The following UNC5A variants were observed in gnomAD, a reference collection of about 807,000 sequenced individuals.
UNC5A encodes unc-5 netrin receptor A.
UNC5A carries 20 observed loss-of-function variants against 87.4 expected under a neutral mutation model. The observed-to-expected ratio is 0.23, with a 90% CI of 0.16 to 0.33. The LOEUF is 0.33. UNC5A is among the 10% of genes least tolerant of loss of function. UNC5A has a pLI of 1.00. For synonymous variants in UNC5A, 438 were observed against 482.3 expected (o/e 0.91, Z 1.20); for missense variants, 844 against 1,133.4 (o/e 0.74, Z 3.67).
chr5:176,814,857 A>G (rs1042786604), intron 1 of UNC5A, among the ~76,000 whole-genome samples: 4 of 152,066 alleles, frequency 2.6e-5, no homozygotes, highest in East Asian at 3.9e-4. Flanking sequence ...GAGGGCTGCT[A>G]TTGCTGGGGA....
Position 176,869,869 on chromosome 5 carries a change from T to C in UNC5A, c.722-501T>C. On this transcript the variant is annotated intron_variant, in intron 5 of 14. Transcript: ENST00000329542. This position sits in a 1 kb window ranked among gnomAD's most constrained non-coding sequence, Gnocchi z 9.1. Reference sequence around the variant, plus strand: ...TCGCGCCCACCAGCCTGCCCCCCCATGGCTCCATCCCACCCACCCGCCACG... The same window carrying C: ...TCGCGCCCACCAGCCTGCCCCCCCACGGCTCCATCCCACCCACCCGCCACG... 1 of 575,788 alleles carries C rather than the reference T, an allele frequency of 1.7e-6. No individual in the cohort carries two copies. The highest frequency in any genetic ancestry group is 3.1e-6 in the Non-Finnish European group (1 of 321,322). The allele number at this position is 575,788 out of a possible 1,614,324, so 35.7% of individuals were successfully genotyped here. A position where few individuals can be genotyped will look rare whatever the true frequency, so the allele number is the denominator to read the frequency against.
Position 176,866,257 on chromosome 5 carries a change from G to A in UNC5A, c.293-1873G>A, listed in dbSNP as rs555808116. Among the ~76,000 whole-genome samples, 44 of 152,198 alleles carry A rather than the reference G, an allele frequency of 2.9e-4. No homozygotes were observed. The highest frequency in any genetic ancestry group is 2.9e-3 in the Admixed American group (44 of 15,280). On this transcript the variant is annotated intron_variant, in intron 2 of 14. Coordinates refer to ENST00000329542, the MANE Select transcript of UNC5A (RefSeq NM_133369.3). This position sits in a 1 kb window ranked among gnomAD's most constrained non-coding sequence, Gnocchi z 5.0. ...GCACAGCCCCTCACATCAAAGATGG[G>A]GTAGGGCCGGGTCTGCAGCCCCCGC...
At chr5:176,864,278 G>A (rs1374901187) in intron 2 of UNC5A, among the ~76,000 whole-genome samples, 2 of 152,180 alleles carry the variant, frequency 1.3e-5, no homozygotes, top group African/African-American at 4.8e-5. Flanking sequence ...TGGGTGGCTC[G>A]GGTATGGAGC....
chr5:176,845,909 G>A (rs1282175997), intron 1 of UNC5A, among the ~76,000 whole-genome samples: 1 of 152,230 alleles, frequency 6.6e-6, no homozygotes, highest in African/African-American at 2.4e-5. Context: ...CCTGAAGCAG[G>A]ACTGAGCAGA....
rs35306601 is a variant in UNC5A at position 176,827,179 on chromosome 5, C to CTTTT, written c.70+16377_70+16380dup. Among the ~76,000 whole-genome samples the CTTTT allele has an allele frequency of 5.1e-4, 55 of 107,560 alleles. 2 individuals carry two copies. Among genetic ancestry groups the CTTTT allele is most frequent in the African/African-American group, 9.8e-4 (26 of 26,508 alleles). 70.6% of individuals were successfully genotyped at this position (107,560 alleles called of 152,430 possible). ...GAAAGCATGCATCACTGCTTCATTC[C>CTTTT]TTTTTTTTTTTTTTTTTTTTTGAGA... On this transcript the variant is annotated intron_variant, in intron 1 of 14. Coordinates refer to ENST00000329542, the MANE Select transcript of UNC5A (RefSeq NM_133369.3).
At chr5:176,823,678 G>A (rs1252467257) in intron 1 of UNC5A, among the ~76,000 whole-genome samples, 1 of 151,898 alleles carries the variant, frequency 6.6e-6, no homozygotes, top group African/African-American at 2.4e-5. Context: ...AGCCTCCACA[G>A]GGGGGCTCTA....
chr5:176,842,455 A>C (rs1417184569), intron 1 of UNC5A, among the ~76,000 whole-genome samples: 1 of 151,880 alleles, frequency 6.6e-6, no homozygotes, highest in Non-Finnish European at 1.5e-5. Context: ...CGTGGAACCA[A>C]CTCAAATGCC....
intron 1 of UNC5A, among the ~76,000 whole-genome samples, chr5:176,833,808 G>A (rs576358299): frequency 2.6e-4 from 39 of 151,010 alleles, no homozygotes; most frequent in Non-Finnish European, 4.6e-4. Context: ...TCCTGGGTTC[G>A]CGCCATTTTC....
In UNC5A at chr5:176,877,626, A is replaced by G. The variant is rs1031021101; in HGVS notation, c.1558A>G (p.Met520Val). Residue 520 changes from methionine (M) to valine (V), a missense_variant, in exon 10 of 15, where the codon ATG becomes GTG. By Grantham distance (21) the Met-to-Val change is conservative. Coordinates refer to ENST00000329542, the MANE Select transcript of UNC5A (RefSeq NM_133369.3). ...GCTCACCCGGCCAGTCATCCTGGCT[A>G]TGGACCACTGTGGGGAGCCCAGCCC... ...VLLTRPVILAMDHCGEPSPDS... is the reference protein window; with the variant it reads ...VLLTRPVILAVDHCGEPSPDS... 8 of 1,612,698 alleles carry G rather than the reference A, an allele frequency of 5.0e-6. No homozygotes were observed. The highest frequency in any genetic ancestry group is 6.8e-6 in the Non-Finnish European group (8 of 1,179,792).
intron 1 of UNC5A, among the ~76,000 whole-genome samples, chr5:176,816,490 C>A (rs1252281518): frequency 6.6e-6 from 1 of 152,250 alleles, no homozygotes; most frequent in Non-Finnish European, 1.5e-5. Context: ...GGCCCAGAAC[C>A]CCAGGCACAT....
At chr5:176,878,746 C>A in intron 13 of UNC5A, 107 bp downstream of exon 13, 1 of 1,422,526 alleles carries the variant, frequency 7.0e-7, no homozygotes, top group Non-Finnish European at 9.5e-7. Flanking sequence ...ACTCTCCCTC[C>A]CGCCTGTCCC....
At chr5:176,856,369 T>C (rs886447711) in intron 1 of UNC5A, among the ~76,000 whole-genome samples, 2 of 152,174 alleles carry the variant, frequency 1.3e-5, no homozygotes, top group African/African-American at 4.8e-5. Flanking sequence ...TGGGCTGCTC[T>C]GCCCTCTCTC....
chr5:176,877,872 AC>A (rs759447484), intron 10 of UNC5A, 21 bp from the exon 11 acceptor site: 2 of 1,586,470 alleles, frequency 1.3e-6, no homozygotes, highest in Admixed American at 1.7e-5. Flanking sequence ...GGCCGAATTG[AC>A]CCACTGACCC....
intron 1 of UNC5A, among the ~76,000 whole-genome samples, chr5:176,853,833 G>C (rs538800285): frequency 1.3e-4 from 20 of 152,186 alleles, no homozygotes; most frequent in Non-Finnish European, 2.5e-4. Flanking sequence ...GGGGGTGACT[G>C]CTAGGGCGAC....
chr5:176,832,053 C>T (rs1200471342), intron 1 of UNC5A, among the ~76,000 whole-genome samples: 6 of 151,924 alleles, frequency 3.9e-5, no homozygotes, highest in African/African-American at 9.7e-5. Flanking sequence ...CCTGCAACCA[C>T]GCCTGGCTAA....
chr5:176,812,000 G>A (rs550153686), intron 1 of UNC5A, among the ~76,000 whole-genome samples: 2 of 152,108 alleles, frequency 1.3e-5, no homozygotes, highest in African/African-American at 2.4e-5. Context: ...TCTGCGCAGC[G>A]CATCCTGCAC....
intron 1 of UNC5A, among the ~76,000 whole-genome samples, chr5:176,853,260 C>T (rs149977167): frequency 8.9e-4 from 136 of 152,376 alleles, no homozygotes; most frequent in African/African-American, 2.8e-3. Context: ...CTGAGCCTCA[C>T]GTTCCTTGTC....
intron 1 of UNC5A, among the ~76,000 whole-genome samples, chr5:176,852,061 C>T (rs988770938): frequency 4.6e-5 from 7 of 152,192 alleles, no homozygotes; most frequent in Admixed American, 1.3e-4. Context: ...AGCGCCCTGC[C>T]GGCTACCCTC....
At chr5:176,870,667 A>G in intron 6 of UNC5A, 133 bp downstream of exon 6, 1 of 1,018,050 alleles carries the variant, frequency 9.8e-7, no homozygotes, top group Non-Finnish European at 1.4e-6. Flanking sequence ...ACCCACTGAG[A>G]TCCCCCTCAT....
Sources: allele counts gnomAD v4.1 joint callset (sites outside exome capture counted in the v4.1 genomes callset), GRCh38; gene constraint gnomAD v4.1.1; non-coding constraint Gnocchi (gnomAD v3.1); transcripts MANE v1.5; gene names NCBI Gene and HGNC (gene_info 2026-07-23, HGNC 2026-07-21).